Variants in KLF8 observed in about 807,000 individuals in gnomAD.
The protein encoded by KLF8 is KLF transcription factor 8, also known as Krueppel-like factor 8.
Under a neutral mutation model 18.2 loss-of-function variants are expected in KLF8, and 10 were observed. The observed-to-expected ratio is 0.55, with a 90% CI of 0.34 to 0.93. KLF8 has a LOEUF of 0.93. Among genes scored for constraint, KLF8 ranks in the 40% least tolerant of loss-of-function variants. The probability of loss-of-function intolerance (pLI) is 0.02; values close to 1 mark genes in which losing one functional copy is unlikely to be tolerated. For missense variants in KLF8, 264 were observed against 277.9 expected (o/e 0.95, Z 0.36); for synonymous variants, 109 against 97.3 (o/e 1.12, Z -0.71).
chrX:55,993,198 G>C, the KLF8 span, among the ~76,000 whole-genome samples: 20 of 111,228 alleles, frequency 1.8e-4, no homozygotes, highest in Admixed American at 1.8e-3. Context: ...AGAATGCTTT[G>C]AGCTTTGACC....
chrX:56,211,319 G>A, the KLF8 span, among the ~76,000 whole-genome samples: 25 of 112,617 alleles, frequency 2.2e-4, no homozygotes, highest in African/African-American at 7.7e-4. Flanking sequence ...AGATCCAGAA[G>A]AATTCTATGG....
the KLF8 span, among the ~76,000 whole-genome samples, chrX:55,952,046 C>A: frequency 8.9e-6 from 1 of 112,019 alleles, no homozygotes; most frequent in Non-Finnish European, 1.9e-5. Context: ...CAAGGACATT[C>A]CCTGCTATAA....
At chrX:56,091,949 C>G in the KLF8 span, among the ~76,000 whole-genome samples, 1 of 106,782 alleles carries the variant, frequency 9.4e-6, no homozygotes, top group Admixed American at 1.0e-4. Context: ...TAAGTATTTC[C>G]TTTTCTCCAC....
chrX:56,257,799 G>C (rs758715406), intron 2 of KLF8, among the ~76,000 whole-genome samples: 1 of 112,524 alleles, frequency 8.9e-6, no homozygotes, highest in African/African-American at 3.2e-5. Flanking sequence ...TTGCTATTGT[G>C]AATAATGCTG....
chrX:56,088,411 A>AT, the KLF8 span, among the ~76,000 whole-genome samples: 5 of 111,404 alleles, frequency 4.5e-5, no homozygotes, highest in South Asian at 3.7e-4. Flanking sequence ...GTATAGGTAC[A>AT]TTTTTTTCTG....
the KLF8 span, among the ~76,000 whole-genome samples, chrX:55,962,929 C>T: frequency 8.9e-6 from 1 of 112,464 alleles, no homozygotes; most frequent in South Asian, 3.7e-4. Flanking sequence ...TGTCTGTCCT[C>T]CCATGATGGA....
At chrX:55,944,279 G>A in the KLF8 span, among the ~76,000 whole-genome samples, 1 of 109,386 alleles carries the variant, frequency 9.1e-6, no homozygotes, top group Non-Finnish European at 1.9e-5. Context: ...CAAGGATATT[G>A]GTCTAAAATT....
the KLF8 span, among the ~76,000 whole-genome samples, chrX:56,029,703 G>A: frequency 1.8e-5 from 2 of 111,586 alleles, no homozygotes; most frequent in East Asian, 2.8e-4. Flanking sequence ...TCTTTTAGTT[G>A]GGGACATTTA....
At chrX:56,212,506 C>T in the KLF8 span, among the ~76,000 whole-genome samples, 1 of 111,944 alleles carries the variant, frequency 8.9e-6, no homozygotes. Context: ...TGCTGTGATT[C>T]GCAATTCTCT....
intron 2 of KLF8, among the ~76,000 whole-genome samples, chrX:56,259,554 A>G (rs1277793239): frequency 3.6e-5 from 4 of 110,600 alleles, no homozygotes; most frequent in Non-Finnish European, 7.6e-5. Context: ...CTCTTCCATG[A>G]AACATACATA....
chrX:56,024,919 C>T, the KLF8 span, among the ~76,000 whole-genome samples: 8 of 112,055 alleles, frequency 7.1e-5, no homozygotes, highest in Non-Finnish European at 1.5e-4. Flanking sequence ...TGAGGGGTCT[C>T]TTTTTCTCTT....
At chrX:56,268,605 C>T (rs1410724517) in intron 3 of KLF8, 3 of 473,539 alleles carry the variant, frequency 6.3e-6, no homozygotes, top group Admixed American at 1.7e-4. Context: ...AACATGCACA[C>T]CTCAAGATAC....
At chrX:56,263,185 G>A (rs1465387943) in intron 2 of KLF8, among the ~76,000 whole-genome samples, 1 of 111,174 alleles carries the variant, frequency 9.0e-6, no homozygotes, top group East Asian at 2.8e-4. Flanking sequence ...TCCTCTCCCT[G>A]TCAACAGGAT....
the KLF8 span, among the ~76,000 whole-genome samples, chrX:55,916,093 T>C: frequency 3.6e-5 from 4 of 111,997 alleles, 1 homozygote; most frequent in Admixed American, 9.4e-5. Context: ...ACTCACCGAT[T>C]GACCAGGCTT....
chrX:56,139,707 A>T, the KLF8 span, among the ~76,000 whole-genome samples: 1 of 112,021 alleles, frequency 8.9e-6, no homozygotes, highest in Non-Finnish European at 1.9e-5. Context: ...TGTTCTGTAC[A>T]TAGGACATGG....
At chrX:56,272,490 C>A (rs970035487) in intron 5 of KLF8, among the ~76,000 whole-genome samples, 1 of 111,498 alleles carries the variant, frequency 9.0e-6, no homozygotes, top group Non-Finnish European at 1.9e-5. Flanking sequence ...GGATTACAGA[C>A]GTGAGTCACT....
chrX:56,160,398 A>G, the KLF8 span, among the ~76,000 whole-genome samples: 40 of 111,696 alleles, frequency 3.6e-4, 2 homozygotes, highest in East Asian at 0.011. Context: ...GTAGATATCT[A>G]TTAGGTCCGC....
chrX:56,225,272 C>CT, the KLF8 span, among the ~76,000 whole-genome samples: 2 of 111,277 alleles, frequency 1.8e-5, no homozygotes, highest in Admixed American at 9.6e-5. Context: ...CCATCTCTGG[C>CT]TTTCTGGTAA....
chrX:55,917,013 T>G, the KLF8 span, among the ~76,000 whole-genome samples: 1 of 112,282 alleles, frequency 8.9e-6, no homozygotes, highest in African/African-American at 3.2e-5. Context: ...CAAAGTAAGC[T>G]GATCTGGCTG....
Sources: allele counts gnomAD v4.1 joint callset (sites outside exome capture counted in the v4.1 genomes callset), GRCh38; gene constraint gnomAD v4.1.1; transcripts MANE v1.5; gene names NCBI Gene and HGNC (gene_info 2026-07-23, HGNC 2026-07-21).